The following RALGAPA2 variants were observed in gnomAD, a reference collection of about 807,000 sequenced individuals.
RALGAPA2 encodes the protein ral GTPase-activating protein subunit alpha-2.
A neutral mutation model predicts 230.4 loss-of-function variants in RALGAPA2; 139 were observed. That is an observed-to-expected ratio of 0.60 (90% CI 0.53 to 0.69). RALGAPA2 has a LOEUF of 0.69. Ranked by LOEUF, RALGAPA2 falls within the 30% of genes least tolerant of loss-of-function variation. The pLI, the probability that RALGAPA2 is intolerant of heterozygous loss-of-function variation, is 0.00. For synonymous variants in RALGAPA2, 847 were observed against 837.8 expected, an observed-to-expected ratio of 1.01 and a Z score of -0.19; for missense variants, 2,163 against 2,276.0, an observed-to-expected ratio of 0.95 and a Z score of 1.01.
chr20:20,706,601 T>C (rs1176867488), intron 1 of RALGAPA2, among the ~76,000 whole-genome samples: 1 of 152,140 alleles, frequency 6.6e-6, no homozygotes, highest in Non-Finnish European at 1.5e-5. Context: ...AAATCAAATA[T>C]GATAATCCCA....
chr20:20,662,972 G>C (rs2067831119), intron 3 of RALGAPA2, among the ~76,000 whole-genome samples: 1 of 152,230 alleles, frequency 6.6e-6, no homozygotes, highest in Non-Finnish European at 1.5e-5. Context: ...GAGGCTGCCA[G>C]TGAGGGCAGA....
Position 20,490,200 on chromosome 20 carries a change from G to A in RALGAPA2, c.5367+4917C>T, listed in dbSNP as rs920625451. On this transcript the variant is annotated intron_variant, in intron 36 of 39. Coordinates refer to ENST00000202677, the MANE Select transcript of RALGAPA2 (RefSeq NM_020343.4). ...TGGGTGACTCAGTCTTTCAAAAACC[G>A]GACAAAAGGAATAATACAAATCCCC... Among the ~76,000 whole-genome samples, 11 of 152,072 alleles carry A rather than the reference G, an allele frequency of 7.2e-5. No homozygotes were observed. In the East Asian group the frequency reaches 1.3e-3, roughly 19 times the overall value.
At chr20:20,630,835 G>C (rs751815570) in intron 9 of RALGAPA2, among the ~76,000 whole-genome samples, 3 of 152,056 alleles carry the variant, frequency 2.0e-5, no homozygotes, top group Non-Finnish European at 2.9e-5. Flanking sequence ...GTAGGACACA[G>C]AGGCTAGATT....
intron 38 of RALGAPA2, among the ~76,000 whole-genome samples, chr20:20,405,279 T>A (rs1410256139): frequency 1.3e-5 from 2 of 152,368 alleles, no homozygotes; most frequent in African/African-American, 4.8e-5. Context: ...TATCTGAGCT[T>A]ATTAATAAAT....
chr20:20,663,745 C>T (rs571113994), intron 3 of RALGAPA2, among the ~76,000 whole-genome samples: 3 of 152,284 alleles, frequency 2.0e-5, no homozygotes, highest in South Asian at 2.1e-4. Context: ...GAGCACACCA[C>T]AACACCTAGC....
chr20:20,581,945 C>T (rs904721031), intron 20 of RALGAPA2, among the ~76,000 whole-genome samples: 11 of 152,120 alleles, frequency 7.2e-5, no homozygotes, highest in African/African-American at 2.7e-4. Flanking sequence ...TGTTTTCATA[C>T]AAGATACCTG....
At chr20:20,664,709 C>T (rs1378120143) in intron 3 of RALGAPA2, among the ~76,000 whole-genome samples, 1 of 152,152 alleles carries the variant, frequency 6.6e-6, no homozygotes, top group East Asian at 1.9e-4. Flanking sequence ...GGGAAAAAAT[C>T]ACTCCAAGAC....
At chr20:20,487,745 C>A in intron 36 of RALGAPA2, among the ~76,000 whole-genome samples, 1 of 149,410 alleles carries the variant, frequency 6.7e-6, no homozygotes. Flanking sequence ...CCCATTTCTC[C>A]AAAAAAAAAT....
intron 38 of RALGAPA2, among the ~76,000 whole-genome samples, chr20:20,410,085 G>A (rs2060029351): frequency 6.6e-6 from 1 of 152,124 alleles, no homozygotes; most frequent in Non-Finnish European, 1.5e-5. Flanking sequence ...GAGTTCCAAT[G>A]CCCACCCTCA....
At chr20:20,652,223 C>T (rs2067424431) in intron 4 of RALGAPA2, among the ~76,000 whole-genome samples, 1 of 151,492 alleles carries the variant, frequency 6.6e-6, no homozygotes, top group Non-Finnish European at 1.5e-5. Context: ...TTGGAATATC[C>T]ACTAATCATG....
At chr20:20,667,880 C>T (rs2068010209) in intron 3 of RALGAPA2, among the ~76,000 whole-genome samples, 1 of 152,140 alleles carries the variant, frequency 6.6e-6, no homozygotes, top group Admixed American at 6.5e-5. Flanking sequence ...TTGTGCATGG[C>T]TTTTCAATTC....
chr20:20,601,917 G>C, intron 15 of RALGAPA2, 71 bp from the exon 16 acceptor site: 1 of 1,342,792 alleles, frequency 7.4e-7, no homozygotes, highest in South Asian at 1.6e-5. Flanking sequence ...GTGTTGCTCA[G>C]CAAATGGTGT....
chr20:20,429,948 G>C (rs999813692), intron 37 of RALGAPA2, among the ~76,000 whole-genome samples: 2 of 152,228 alleles, frequency 1.3e-5, no homozygotes, highest in Non-Finnish European at 2.9e-5. Context: ...GAACAAAAAA[G>C]AAGGTAGAAA....
intron 19 of RALGAPA2, 72 bp from the exon 20 acceptor site, chr20:20,583,298 C>A: frequency 7.1e-7 from 1 of 1,416,250 alleles, no homozygotes; most frequent in Non-Finnish European, 9.6e-7. Flanking sequence ...ATTACTGATA[C>A]GAAAGTAACT....
At chr20:20,653,428 T>G in intron 4 of RALGAPA2, 102 bp downstream of exon 4, 2 of 711,176 alleles carry the variant, frequency 2.8e-6, no homozygotes, top group Non-Finnish European at 2.4e-6. Context: ...TTATTAATAT[T>G]CCTTTCTATA....
At chr20:20,641,696 A>C (rs2146514922) in intron 5 of RALGAPA2, among the ~76,000 whole-genome samples, 2 of 152,174 alleles carry the variant, frequency 1.3e-5, no homozygotes, top group South Asian at 4.2e-4. Flanking sequence ...AGGTTGAAAA[A>C]ATGTCACATG....
intron 36 of RALGAPA2, among the ~76,000 whole-genome samples, chr20:20,479,033 T>C (rs562141088): frequency 9.7e-4 from 147 of 152,084 alleles, no homozygotes; most frequent in Non-Finnish European, 1.4e-3. Context: ...ATTTGAAAGT[T>C]TAGATGAAAT....
At chr20:20,446,286 A>G (rs2060860203) in intron 37 of RALGAPA2, among the ~76,000 whole-genome samples, 1 of 152,238 alleles carries the variant, frequency 6.6e-6, no homozygotes, top group Non-Finnish European at 1.5e-5. Context: ...AGTGAAAAAC[A>G]TTTAGAGAAA....
intron 10 of RALGAPA2, among the ~76,000 whole-genome samples, chr20:20,624,545 A>C (rs903139461): frequency 1.3e-5 from 2 of 152,150 alleles, no homozygotes; most frequent in African/African-American, 2.4e-5. Flanking sequence ...TAGGATTCTG[A>C]AATCAACTGC....
Sources: gnomAD v4.1 joint callset for allele counts (sites outside exome capture counted in the v4.1 genomes callset) on GRCh38, gnomAD v4.1.1 for gene constraint, MANE v1.5 for transcripts, NCBI Gene and HGNC (gene_info 2026-07-23, HGNC 2026-07-21) for gene names.